Variants in DMAC2L observed in about 807,000 individuals in gnomAD.
The protein encoded by DMAC2L is ATP synthase subunit s, mitochondrial.
DMAC2L carries 21 observed loss-of-function variants against 22.5 expected under a neutral mutation model. The observed-to-expected ratio is 0.93, with a 90% CI of 0.66 to 1.34. DMAC2L has a LOEUF of 1.34. Ranked by LOEUF, DMAC2L falls within the 40% of genes most tolerant of loss-of-function variation. DMAC2L has a pLI of 0.00. For missense variants in DMAC2L, 239 were observed against 246.5 expected (o/e 0.97, Z 0.20); for synonymous variants, 86 against 89.5 (o/e 0.96, Z 0.22).
Position 50,326,389 on chromosome 14 carries a change from TTTAAAG to T in DMAC2L, c.*670_*675del. ...ATTATAACAGTAATTTACATTTAACTTTAAAGTTAGTGAAGCATACTACCATAAATG... is the reference window on the plus strand; with the variant it reads ...ATTATAACAGTAATTTACATTTAACTTTAGTGAAGCATACTACCATAAATG... On this transcript the variant is annotated 3_prime_UTR_variant, in exon 6 of 6. Coordinates refer to ENST00000557421, the MANE Select transcript of DMAC2L (RefSeq NM_001382507.1). The T allele has an allele frequency of 2.1e-6, 2 of 938,658 alleles. No homozygotes were observed. Among genetic ancestry groups the T allele is most frequent in the Non-Finnish European group, 2.5e-6 (2 of 787,398 alleles). 58.1% of individuals were successfully genotyped at this position (938,658 alleles called of 1,614,324 possible). A position where few individuals can be genotyped will look rare whatever the true frequency, so the allele number is the denominator to read the frequency against.
rs541705658 is a variant in DMAC2L, at chr14:50,315,147, T to A, written c.-6+521T>A. ...ATGCCCGGCTAATTTTTTATATTTTTAGTAGAGACAGGGTTTCACCGTGTT... is the reference window on the plus strand; with the variant it reads ...ATGCCCGGCTAATTTTTTATATTTTAAGTAGAGACAGGGTTTCACCGTGTT... On this transcript the variant is annotated intron_variant, in intron 2 of 5. Coordinates refer to ENST00000557421, the MANE Select transcript of DMAC2L (RefSeq NM_001382507.1). Among the ~76,000 whole-genome samples the A allele has an allele frequency of 9.4e-3, 1,425 of 151,362 alleles. 17 individuals are homozygous for A. Among genetic ancestry groups the A allele is most frequent in the Non-Finnish European group, 0.012 (800 of 67,806 alleles).
In DMAC2L at chr14:50,322,476, G is replaced by T. The variant is rs765922001; in HGVS notation, c.108-35G>T. 2.1e-5 allele frequency: 33 copies of T among 1,568,482 alleles called. 2 individuals carry two copies. In the South Asian group the frequency reaches 3.9e-4, roughly 18 times the overall value. ...TATAGTTAACAAGCTAGTGATTATTGTAAAAGCAAACTGCTTTTTTTCTCT... is the reference window on the plus strand; with the variant it reads ...TATAGTTAACAAGCTAGTGATTATTTTAAAAGCAAACTGCTTTTTTTCTCT... On this transcript the variant is annotated intron_variant, in intron 3 of 5. Coordinates refer to ENST00000557421, the MANE Select transcript of DMAC2L (RefSeq NM_001382507.1).
chr14:50,312,090 C>A, upstream of DMAC2L: 1 of 1,606,810 alleles, frequency 6.2e-7, no homozygotes, highest in Non-Finnish European at 8.5e-7. Context: ...GGGGAGCCAC[C>A]GGCGAAAAGC....
Position 50,323,594 on chromosome 14 carries a change from G to A in DMAC2L, c.317-351G>A, listed in dbSNP as rs149684597. The stretch of plus-strand genomic sequence containing the variant: ...TTTTTAGTAGAGACAAGGTTTTGCC[G>A]TGTTGACCAGGCTGGTCTTGAATTC... On this transcript the variant is annotated intron_variant, in intron 4 of 5. Transcript: ENST00000557421. 9.5e-3 allele frequency among the ~76,000 whole-genome samples: 1,442 copies of A among 151,262 alleles called. 18 individuals are homozygous for A. Among genetic ancestry groups the A allele is most frequent in the Non-Finnish European group, 0.012 (806 of 67,882 alleles).
intron 1 of DMAC2L, chr14:50,312,802 T>A (rs183687133): frequency 3.6e-6 from 2 of 559,422 alleles, no homozygotes; most frequent in Non-Finnish European, 6.3e-6. Flanking sequence ...GGAGGCTCTT[T>A]GTCACAGCGA....
upstream of DMAC2L, among the ~76,000 whole-genome samples, chr14:50,311,724 TAAG>T (rs1199407093): frequency 6.6e-6 from 1 of 152,146 alleles, no homozygotes; most frequent in Non-Finnish European, 1.5e-5. Context: ...ACTGAGCCTT[TAAG>T]GAGGTTAAGT....
chr14:50,320,275 A>ATTTTTAT (rs3072790), intron 2 of DMAC2L, among the ~76,000 whole-genome samples: 84,381 of 150,920 alleles, frequency 0.56, 23,589 homozygotes, highest in East Asian at 0.62. Context: ...TTATTTTTTT[A>ATTTTTAT]TTTTTTGGTA....
intron 2 of DMAC2L, among the ~76,000 whole-genome samples, chr14:50,318,441 A>G (rs563199754): frequency 6.6e-6 from 1 of 152,330 alleles, no homozygotes; most frequent in Non-Finnish European, 1.5e-5. Context: ...GTTTAAGCTA[A>G]ATTATAAGAT....
intron 2 of DMAC2L, among the ~76,000 whole-genome samples, chr14:50,320,323 A>T (rs1456617368): frequency 6.6e-6 from 1 of 151,858 alleles, no homozygotes; most frequent in Non-Finnish European, 1.5e-5. Flanking sequence ...GTTAGCCAGG[A>T]TCGTCTCGAT....
chr14:50,312,329 GGCCAGGGT>G lies in DMAC2L; in HGVS notation c.-98_-91del. 1 of 853,882 alleles carries G rather than the reference GGCCAGGGT, an allele frequency of 1.2e-6. No homozygotes were observed. Among genetic ancestry groups the G allele is most frequent in the Non-Finnish European group, 1.8e-6 (1 of 559,372 alleles). The allele number at this position is 853,882 out of a possible 1,614,324, so 52.9% of individuals were successfully genotyped here. ...CGCGCGCGTCGGAGGGCGAAGGGCC[GGCCAGGGT>G]GCCGCAGACGCGGGGACGCTGGCTC... On this transcript the variant is annotated 5_prime_UTR_variant, in exon 1 of 6. Coordinates refer to ENST00000557421, the MANE Select transcript of DMAC2L (RefSeq NM_001382507.1).
intron 2 of DMAC2L, chr14:50,319,257 G>A (rs1269965435): frequency 2.0e-6 from 3 of 1,536,074 alleles, no homozygotes; most frequent in Admixed American, 3.9e-5. Context: ...GTGGAGCAGA[G>A]GCTTGCAGTA....
upstream of DMAC2L, chr14:50,312,156 A>C (rs750507364): frequency 6.2e-7 from 1 of 1,609,478 alleles, no homozygotes; most frequent in Non-Finnish European, 8.5e-7. Flanking sequence ...ACCATCCCCT[A>C]CGCACGCTCC....
rs117513134 is a variant in DMAC2L, at chr14:50,326,516, C to T, written c.*793C>T. 1.9e-4 allele frequency: 183 copies of T among 985,396 alleles called. 3 individuals are homozygous for T. The East Asian group carries it at 0.015, about 81-fold the overall frequency. The allele number at this position is 985,396 out of a possible 1,614,324, so 61.0% of individuals were successfully genotyped here. A position where few individuals can be genotyped will look rare whatever the true frequency, so the allele number is the denominator to read the frequency against. ...GTTGTTGAAGCATGCATTGCTTCAA[C>T]AGGATTTGCGTGCATTTCCCATGAT... On this transcript the variant is annotated 3_prime_UTR_variant, in exon 6 of 6. Coordinates refer to ENST00000557421, the MANE Select transcript of DMAC2L (RefSeq NM_001382507.1).
At chr14:50,325,537 T>G in intron 5 of DMAC2L, 72 bp from the exon 6 acceptor site, 1 of 1,491,352 alleles carries the variant, frequency 6.7e-7, no homozygotes. Context: ...ATTTTCTTTC[T>G]TTAAGTCAGT....
chr14:50,327,618 C>G lies in DMAC2L; in HGVS notation c.*1895C>G, dbSNP rs1846255859. Reference sequence around the variant, plus strand: ...TAGCTGGGATTACAGGCGCCCACCACCACGCCCAGCTAATTTTTGTACTTT... The same window carrying G: ...TAGCTGGGATTACAGGCGCCCACCAGCACGCCCAGCTAATTTTTGTACTTT... On this transcript the variant is annotated 3_prime_UTR_variant, in exon 6 of 6. Transcript: ENST00000557421. 6.6e-6 allele frequency: 1 copy of G among 152,104 alleles called. No individual in the cohort carries two copies. The highest frequency in any genetic ancestry group is 1.5e-5 in the Non-Finnish European group (1 of 68,148). 9.4% of individuals were successfully genotyped at this position (152,104 alleles called of 1,614,324 possible).
chr14:50,322,477 TA>T (rs1429940995), intron 3 of DMAC2L, 33 bp from the exon 4 acceptor site: 1 of 1,570,196 alleles, frequency 6.4e-7, no homozygotes, highest in Non-Finnish European at 8.7e-7. Context: ...GTGATTATTG[TA>T]AAAGCAAACT....
rs1422634383 is a variant in DMAC2L at position 50,312,871 on chromosome 14, A to G, written c.-42+482A>G. ...TATGGGGCTCCTGGCGGTGCTATTC[A>G]TTCAGTCATTGATTCGTCTTGTAAA... On this transcript the variant is annotated intron_variant, in intron 1 of 5. Coordinates refer to ENST00000557421, the MANE Select transcript of DMAC2L (RefSeq NM_001382507.1). 6 of 761,078 alleles carry G rather than the reference A, an allele frequency of 7.9e-6. No individual in the cohort carries two copies. In the Admixed American group the frequency reaches 9.0e-5, roughly 11 times the overall value. 47.1% of individuals were successfully genotyped at this position (761,078 alleles called of 1,614,324 possible). A position where few individuals can be genotyped will look rare whatever the true frequency, so the allele number is the denominator to read the frequency against.
At position 50,326,058 on chromosome 14, in the gene DMAC2L, C is replaced by T. The variant is rs142078287; in HGVS notation, c.*335C>T. The T allele has an allele frequency of 4.2e-4, 164 of 394,994 alleles. 1 individual carries two copies. In the East Asian group the frequency reaches 0.012, roughly 30 times the overall value. The allele number at this position is 394,994 out of a possible 1,614,324, so 24.5% of individuals were successfully genotyped here. On this transcript the variant is annotated 3_prime_UTR_variant, in exon 6 of 6. Coordinates refer to ENST00000557421, the MANE Select transcript of DMAC2L (RefSeq NM_001382507.1). ...CAACCATGGCCAACATGGTGAAACCCCATCTCTACTAAAAAAACAAAATTA... is the reference window on the plus strand; with the variant it reads ...CAACCATGGCCAACATGGTGAAACCTCATCTCTACTAAAAAAACAAAATTA...
In DMAC2L at chr14:50,321,597, A is replaced by T. The variant is rs748006379; in HGVS notation, c.107+3A>T. 6.3e-7 allele frequency: 1 copy of T among 1,597,144 alleles called. No homozygotes were observed. The highest frequency in any genetic ancestry group is 1.3e-5 in the African/African-American group (1 of 74,694). ...TGGTTGAATGCAGTGTTTAATAAGT[A>T]AGTTACTCTAAATAAAGTGAAGAAA... is the stretch of plus-strand genomic sequence containing the variant. On this transcript the variant is annotated splice_donor_region_variant and intron_variant, in intron 3 of 5. Coordinates refer to ENST00000557421, the MANE Select transcript of DMAC2L (RefSeq NM_001382507.1).
Sources: allele counts gnomAD v4.1 joint callset (sites outside exome capture counted in the v4.1 genomes callset), GRCh38; gene constraint gnomAD v4.1.1; transcripts MANE v1.5; gene names NCBI Gene and HGNC (gene_info 2026-07-23, HGNC 2026-07-21).